The following WNT3 variants were observed in gnomAD, a reference collection of about 807,000 sequenced individuals.
The protein encoded by WNT3 is Wnt family member 3, also known as proto-oncogene Wnt-3.
A neutral mutation model predicts 34.2 loss-of-function variants in WNT3; 7 were observed. That is an observed-to-expected ratio of 0.20 (90% confidence interval 0.12 to 0.38). The LOEUF is 0.38. WNT3 is among the 10% of genes least tolerant of loss of function. The pLI is 1.00. For synonymous variants in WNT3, 212 were observed against 211.5 expected (o/e 1.00, Z -0.02); for missense variants, 267 against 499.8 (o/e 0.53, Z 4.44).
At chr17:46,793,486 TCTTCC>T (rs2084014810) in intron 1 of WNT3, among the ~76,000 whole-genome samples, 3 of 152,104 alleles carry the variant, frequency 2.0e-5, no homozygotes, top group Admixed American at 2.0e-4. Context: ...TTGGTGCAGA[TCTTCC>T]GCACTGGAGG....
intron 1 of WNT3, among the ~76,000 whole-genome samples, chr17:46,798,375 G>T (rs1434938844): frequency 6.6e-6 from 1 of 152,202 alleles, no homozygotes; most frequent in Non-Finnish European, 1.5e-5. Context: ...ACATAGTGAG[G>T]CTCAGGTTTT....
intron 1 of WNT3, among the ~76,000 whole-genome samples, chr17:46,795,873 C>T (rs536466139): frequency 1.4e-4 from 21 of 152,288 alleles, no homozygotes; most frequent in African/African-American, 5.1e-4. Context: ...GTCTCTCCCT[C>T]TCTCTCTCAC....
intron 1 of WNT3, among the ~76,000 whole-genome samples, chr17:46,784,942 A>AT (rs912886305): frequency 1.3e-5 from 2 of 151,578 alleles, no homozygotes; most frequent in East Asian, 3.9e-4. Context: ...TGCCCGGCTA[A>AT]TTTTTTTGTA....
chr17:46,767,732 T>G (rs1416098559), intron 4 of WNT3, among the ~76,000 whole-genome samples: 1 of 152,242 alleles, frequency 6.6e-6, no homozygotes, highest in African/African-American at 2.4e-5. Flanking sequence ...TGTAAAAATG[T>G]TAATCAATTG....
intron 1 of WNT3, among the ~76,000 whole-genome samples, chr17:46,813,100 A>G (rs537918761): frequency 2.0e-4 from 30 of 152,050 alleles, no homozygotes; most frequent in Non-Finnish European, 3.5e-4. Context: ...GGAGTGGGGC[A>G]GCCAGCTCTT....
At chr17:46,801,405 A>C (rs2084123280) in intron 1 of WNT3, among the ~76,000 whole-genome samples, 1 of 152,232 alleles carries the variant, frequency 6.6e-6, no homozygotes, top group African/African-American at 2.4e-5. Flanking sequence ...ACATCACCTG[A>C]GGTCAGGAGC....
chr17:46,814,946 C>T (rs548072862), intron 1 of WNT3, among the ~76,000 whole-genome samples: 12 of 152,142 alleles, frequency 7.9e-5, no homozygotes, highest in Non-Finnish European at 1.8e-4. Flanking sequence ...AGCTCACTGC[C>T]CTTGTCCTCT....
At chr17:46,803,295 A>G (rs1487074549) in intron 1 of WNT3, among the ~76,000 whole-genome samples, 1 of 152,218 alleles carries the variant, frequency 6.6e-6, no homozygotes, top group African/African-American at 2.4e-5. Context: ...GCACTTTCGG[A>G]GGCCCAGACA....
At chr17:46,812,341 C>T (rs752243516) in intron 1 of WNT3, among the ~76,000 whole-genome samples, 10 of 152,246 alleles carry the variant, frequency 6.6e-5, no homozygotes, top group Non-Finnish European at 1.2e-4. Context: ...CCCCTACCCC[C>T]GCCCCAAGAA....
chr17:46,773,773 C>T lies in WNT3; in HGVS notation c.217G>A (p.Val73Met). Reference protein sequence around the residue: ...IEIMPSVAEGVKLGIQECQHQ... With the variant: ...IEIMPSVAEGMKLGIQECQHQ... The stretch of plus-strand genomic sequence containing the variant: ...TGGCACTCCTGGATGCCCAGCTTCA[C>T]GCCCTCGGCCACGCTGGGCATGATC... The change falls in exon 2 of 5, where the codon GTG becomes ATG. Residue 73 changes from valine (V) to methionine (M), a missense_variant. Coordinates refer to ENST00000225512, the MANE Select transcript of WNT3 (RefSeq NM_030753.5). The T allele has an allele frequency of 1.9e-6, 3 of 1,613,428 alleles. No individual in the cohort carries two copies. The highest frequency in any genetic ancestry group is 2.5e-6 in the Non-Finnish European group (3 of 1,179,994).
At chr17:46,791,909 G>A (rs1181148558) in intron 1 of WNT3, among the ~76,000 whole-genome samples, 33 of 152,138 alleles carry the variant, frequency 2.2e-4, no homozygotes, top group Admixed American at 2.2e-3. Context: ...GTGTGGTGGT[G>A]CACACTTGTA....
At chr17:46,805,497 G>A (rs530959645) in intron 1 of WNT3, among the ~76,000 whole-genome samples, 3 of 152,222 alleles carry the variant, frequency 2.0e-5, no homozygotes, top group South Asian at 2.1e-4. Context: ...CGCTTGAACC[G>A]GGGAGGTGGA....
chr17:46,806,094 C>T (rs997974444), intron 1 of WNT3, among the ~76,000 whole-genome samples: 3 of 151,992 alleles, frequency 2.0e-5, no homozygotes, highest in Non-Finnish European at 2.9e-5. Flanking sequence ...ACATCATAAG[C>T]GAGGAATTAC....
chr17:46,773,615 C>T, intron 2 of WNT3, 53 bp downstream of exon 2: 1 of 1,035,722 alleles, frequency 9.7e-7, no homozygotes, highest in South Asian at 1.4e-5. Context: ...GCATACAGTC[C>T]TGATCCCTCC....
chr17:46,771,169 C>G (rs2059364780), intron 2 of WNT3, among the ~76,000 whole-genome samples: 1 of 152,238 alleles, frequency 6.6e-6, no homozygotes, highest in South Asian at 2.1e-4. Context: ...ACAGAGGGGC[C>G]CGTCCCACTT....
intron 1 of WNT3, among the ~76,000 whole-genome samples, chr17:46,775,038 G>A (rs1352149528): frequency 2.0e-5 from 3 of 152,162 alleles, no homozygotes; most frequent in African/African-American, 4.8e-5. Flanking sequence ...CAAAAGCCTC[G>A]GAAAGAGGGG....
chr17:46,791,414 C>T (rs1231865136), intron 1 of WNT3, among the ~76,000 whole-genome samples: 2 of 152,084 alleles, frequency 1.3e-5, no homozygotes, highest in Non-Finnish European at 2.9e-5. Flanking sequence ...AACATGTTGG[C>T]CAGGCTGGTC....
intron 1 of WNT3, among the ~76,000 whole-genome samples, chr17:46,812,819 T>G (rs933868020): frequency 2.6e-5 from 4 of 152,244 alleles, no homozygotes; most frequent in Non-Finnish European, 4.4e-5. Context: ...AGCTTGCAGA[T>G]AGGAGGTGAA....
intron 1 of WNT3, among the ~76,000 whole-genome samples, chr17:46,807,858 G>A (rs1186236479): frequency 6.6e-6 from 1 of 152,234 alleles, no homozygotes; most frequent in African/African-American, 2.4e-5. Context: ...CTCATAGCCA[G>A]GACATAAAGG....
Sources: allele counts gnomAD v4.1 joint callset (sites outside exome capture counted in the v4.1 genomes callset), GRCh38; gene constraint gnomAD v4.1.1; transcripts MANE v1.5; gene names NCBI Gene and HGNC (gene_info 2026-07-23, HGNC 2026-07-21).